The following RGPD4 variants were observed in gnomAD, a reference collection of about 807,000 sequenced individuals.
The protein encoded by RGPD4 is ranBP2-like and GRIP domain-containing protein 4.
RGPD4 carries 84 observed loss-of-function variants against 141.1 expected under a neutral mutation model. The observed-to-expected ratio is 0.60, with a 90% CI of 0.50 to 0.71. RGPD4 has a LOEUF of 0.71. RGPD4 is among the 30% of genes least tolerant of loss of function. The pLI, the probability that RGPD4 is intolerant of heterozygous loss-of-function variation, is 0.00. For missense variants in RGPD4, 918 were observed against 1,622.4 expected, an observed-to-expected ratio of 0.57 and a Z score of 7.46; for synonymous variants, 298 against 566.8, an observed-to-expected ratio of 0.53 and a Z score of 6.74.
At chr2:107,827,284 C>T (rs539710591) in intron 1 of RGPD4, among the ~76,000 whole-genome samples, 199 bp downstream of exon 1, 11 of 135,142 alleles carry the variant, frequency 8.1e-5, no homozygotes, top group Admixed American at 7.9e-4. Context: ...TCCCGACGGG[C>T]GCTGCTCCCT....
rs1320002664 is a variant in RGPD4 at position 107,859,802 on chromosome 2, A to C, written c.1715A>C (p.Gln572Pro). ...AGAGCCCAGGAAAAACATGGCCTTC[A>C]ACCTGCTCTGCTTGTACATTGGGCA... is the stretch of plus-strand genomic sequence containing the variant. Reference protein sequence around the residue: ...TLRAQEKHGLQPALLVHWAKC... With the variant: ...TLRAQEKHGLPPALLVHWAKC... The change falls in exon 12 of 23, where the codon CAA becomes CCA. Residue 572 changes from glutamine (Q) to proline (P), a missense_variant. Physicochemically the swap from Gln to Pro is moderately conservative, Grantham distance 76 (BLOSUM62 -1). Transcript: ENST00000408999. 1.9e-6 allele frequency: 3 copies of C among 1,609,994 alleles called. No individual in the cohort carries two copies. In the East Asian group the frequency reaches 6.7e-5, roughly 36 times the overall value.
At position 107,828,231 on chromosome 2, in the gene RGPD4, C is replaced by G. The variant is rs867389467; in HGVS notation, c.72+1146C>G. ...CGACCTGGCCGGGCGGCGGCGGCCT[C>G]GACCTGGCCCGGCGGCGGCCTCGAT... On this transcript the variant is annotated intron_variant, in intron 1 of 22. Coordinates refer to ENST00000408999, the MANE Select transcript of RGPD4 (RefSeq NM_182588.3). Among the ~76,000 whole-genome samples the G allele has an allele frequency of 3.5e-3, 50 of 14,488 alleles. 1 individual carries two copies. Among genetic ancestry groups the G allele is most frequent in the African/African-American group, 6.4e-3 (15 of 2,348 alleles). 9.5% of individuals were successfully genotyped at this position (14,488 alleles called of 152,430 possible).
chr2:107,849,670 CTTT>C (rs551638640), intron 7 of RGPD4, among the ~76,000 whole-genome samples: 6 of 60,806 alleles, frequency 9.9e-5, no homozygotes, highest in Non-Finnish European at 1.4e-4. Flanking sequence ...CATGCCCAGC[CTTT>C]TTTTTTTTTT....
At chr2:107,845,623 A>G (rs1190742436) in intron 6 of RGPD4, among the ~76,000 whole-genome samples, 1 of 152,268 alleles carries the variant, frequency 6.6e-6, no homozygotes, top group Admixed American at 6.5e-5. Context: ...ATCAGGACTC[A>G]TGGGCCCTTT....
At position 107,871,322 on chromosome 2, in the gene RGPD4, A is replaced by G. The variant is rs767270588; in HGVS notation, c.3318A>G (p.Leu1106=). The change falls in exon 20 of 23, where the codon CTA becomes CTG. Residue 1106 remains leucine (L), a synonymous_variant. Coordinates refer to ENST00000408999, the MANE Select transcript of RGPD4 (RefSeq NM_182588.3). ...TGCTGATGCGAAGAGAACAAGTACT[A>G]AAAGTGTGTGCTAATCATTGGATAA... is the stretch of plus-strand genomic sequence containing the variant. ...PRMLMRREQV[L]KVCANHWITT... 1 of 1,601,596 alleles carries G rather than the reference A, an allele frequency of 6.2e-7. No individual in the cohort carries two copies. The highest frequency in any genetic ancestry group is 1.7e-5 in the Admixed American group (1 of 58,762).
intron 22 of RGPD4, among the ~76,000 whole-genome samples, chr2:107,889,068 C>T (rs1675581971): frequency 6.7e-6 from 1 of 149,982 alleles, no homozygotes; most frequent in Admixed American, 6.6e-5. Flanking sequence ...AGAAAGTTTC[C>T]CCATGTAAAA....
chr2:107,868,511 G>C (rs1682809709), intron 18 of RGPD4, among the ~76,000 whole-genome samples: 1 of 151,302 alleles, frequency 6.6e-6, no homozygotes, highest in Non-Finnish European at 1.5e-5. Context: ...CCTTCCAGTT[G>C]TTTGGTTTCT....
intron 15 of RGPD4, 116 bp downstream of exon 15, chr2:107,861,856 G>A: frequency 1.3e-6 from 2 of 1,511,754 alleles, no homozygotes; most frequent in East Asian, 2.4e-5. Flanking sequence ...TGTTATTAAT[G>A]CACAGAAGGG....
At chr2:107,882,062 G>C (rs1199267946) in intron 21 of RGPD4, among the ~76,000 whole-genome samples, 2 of 151,838 alleles carry the variant, frequency 1.3e-5, no homozygotes, top group Non-Finnish European at 2.9e-5. Context: ...GGAACATCTT[G>C]GTACCAACCC....
chr2:107,878,305 TCAA>T (rs1283451867), intron 20 of RGPD4, among the ~76,000 whole-genome samples: 4 of 151,378 alleles, frequency 2.6e-5, no homozygotes, highest in Admixed American at 1.3e-4. Flanking sequence ...CAGTTTCCTC[TCAA>T]CAATCTTTGA....
chr2:107,883,091 A>T, intron 22 of RGPD4: 1 of 668,802 alleles, frequency 1.5e-6, no homozygotes. Flanking sequence ...AAAATACAAT[A>T]AGTGCTTAGC....
At chr2:107,886,115 T>A (rs1573536942) in intron 22 of RGPD4, among the ~76,000 whole-genome samples, 3 of 133,368 alleles carry the variant, frequency 2.2e-5, no homozygotes, top group Admixed American at 7.4e-5. Context: ...GAATTCAGCA[T>A]GGGAGAAACA....
At chr2:107,844,830 G>GTTTTTTTTTTTTTTTTTTT (rs1222283120) in intron 6 of RGPD4, among the ~76,000 whole-genome samples, 3 of 26,186 alleles carry the variant, frequency 1.1e-4, no homozygotes, top group Admixed American at 5.5e-4. Flanking sequence ...TTTCTTTTTT[G>GTTTTTTTTTTTTTTTTTTT]TTTTTTTTTT....
At chr2:107,879,830 C>G in intron 20 of RGPD4, 138 bp from the exon 21 acceptor site, 1 of 1,120,540 alleles carries the variant, frequency 8.9e-7, no homozygotes, top group Non-Finnish European at 1.3e-6. Flanking sequence ...TTGAGGTATG[C>G]CGAATAGATG....
In RGPD4 at chr2:107,885,702, A is replaced by C. The variant is rs567590999; in HGVS notation, c.5266+2829A>C. On this transcript the variant is annotated intron_variant, in intron 22 of 22. Coordinates refer to ENST00000408999, the MANE Select transcript of RGPD4 (RefSeq NM_182588.3). ...AGTACATAAAAGAGACCTTATTACA[A>C]TTAAAAACAATGATGGTTTAGCAGC... Among the ~76,000 whole-genome samples, 198 of 152,262 alleles carry C rather than the reference A, an allele frequency of 1.3e-3. 2 individuals are homozygous for C. Among genetic ancestry groups the C allele is most frequent in the Middle Eastern group, 3.4e-3 (1 of 294 alleles).
intron 1 of RGPD4, among the ~76,000 whole-genome samples, chr2:107,830,039 T>C (rs920108641): frequency 3.3e-5 from 5 of 151,996 alleles, no homozygotes; most frequent in Non-Finnish European, 7.4e-5. Flanking sequence ...ACGGCGCAAA[T>C]GACACGGAAA....
intron 22 of RGPD4, among the ~76,000 whole-genome samples, chr2:107,883,359 T>C (rs1421591068): frequency 4.7e-4 from 72 of 151,664 alleles, no homozygotes; most frequent in Non-Finnish European, 8.2e-4. Flanking sequence ...GGCCAGGCGC[T>C]GGTGGTTCAT....
Position 107,882,783 on chromosome 2 carries a change from G to T in RGPD4, c.5176G>T (p.Gly1726Cys). Residue 1726 changes from glycine (G) to cysteine (C), a missense_variant, in exon 22 of 23, where the codon GGT becomes TGT. Physicochemically the swap from Gly to Cys is radical, Grantham distance 159. Transcript: ENST00000408999. The stretch of plus-strand genomic sequence containing the variant: ...GCTGCAGTTCATTTTCTTGAAGCCA[G>T]GTAGTGAAAGAGAGAGACTTCTTCC... ...VLLQFIFLKP[G>C]SERERLLPVI... 6.2e-7 allele frequency: 1 copy of T among 1,611,412 alleles called. No homozygotes were observed. The highest frequency in any genetic ancestry group is 2.2e-5 in the East Asian group (1 of 44,870).
At chr2:107,828,587 G>T (rs1681329297) in intron 1 of RGPD4, among the ~76,000 whole-genome samples, 1 of 122,126 alleles carries the variant, frequency 8.2e-6, no homozygotes, top group African/African-American at 3.3e-5. Flanking sequence ...TGAGGCAGCG[G>T]CCTCGACCTG....
Sources: allele counts gnomAD v4.1 joint callset (sites outside exome capture counted in the v4.1 genomes callset), GRCh38; gene constraint gnomAD v4.1.1; transcripts MANE v1.5; gene names NCBI Gene and HGNC (gene_info 2026-07-23, HGNC 2026-07-21).